The following LIPJ variants were observed in gnomAD, a reference collection of about 807,000 sequenced individuals.
The protein encoded by LIPJ is lipase member J.
In LIPJ, 33 loss-of-function variants were observed where a neutral mutation model predicts 39.8. The ratio of observed to expected loss-of-function variants is 0.83; its 90% CI spans 0.63 to 1.11. LIPJ has a LOEUF of 1.11. LIPJ is among the 50% of genes least tolerant of loss of function. The probability of loss-of-function intolerance (pLI) is 0.00; values close to 1 mark genes in which losing one functional copy is unlikely to be tolerated. For synonymous variants in LIPJ, 128 were observed against 139.2 expected, an observed-to-expected ratio of 0.92 and a Z score of 0.57; for missense variants, 422 against 427.9, an observed-to-expected ratio of 0.99 and a Z score of 0.12.
At chr10:88,597,186 G>C (rs1001823598) in intron 8 of LIPJ, among the ~76,000 whole-genome samples, 1 of 151,666 alleles carries the variant, frequency 6.6e-6, no homozygotes, top group Non-Finnish European at 1.5e-5. Flanking sequence ...GATGTGATGG[G>C]TATCTTTATT....
At chr10:88,583,282 T>TC (rs1428245047), upstream of LIPJ, 6 of 1,555,780 alleles carry the variant, frequency 3.9e-6, no homozygotes, top group African/African-American at 8.2e-5. Context: ...GCGCTAGCGC[T>TC]CTTTGGTTCC....
upstream of LIPJ, among the ~76,000 whole-genome samples, chr10:88,585,169 G>T (rs1050927725): frequency 6.6e-6 from 1 of 152,118 alleles, no homozygotes; most frequent in Non-Finnish European, 1.5e-5. Context: ...TTTTATACAC[G>T]TTAATACAGA....
intron 2 of LIPJ, 127 bp from the exon 3 acceptor site, chr10:88,590,458 C>A: frequency 4.8e-6 from 2 of 416,204 alleles, no homozygotes; most frequent in South Asian, 5.1e-5. Flanking sequence ...TTTAATTCTT[C>A]AAAGCCTCTG....
rs116477110 is a variant in LIPJ at position 88,606,934 on chromosome 10, A to T, written c.*27A>T. On this transcript the variant is annotated 3_prime_UTR_variant, in exon 11 of 11. Transcript: ENST00000371939. ...GAACCATGGCGCTGTGTGTTTAAAG[A>T]TCTACATCATTCCTAATGAAATCCA... is the stretch of plus-strand genomic sequence containing the variant. The T allele has an allele frequency of 2.8e-3, 4,044 of 1,436,714 alleles. 109 individuals are homozygous for T. In the African/African-American group the frequency reaches 0.051, roughly 18 times the overall value. 89.0% of individuals were successfully genotyped at this position (1,436,714 alleles called of 1,614,324 possible).
At chr10:88,595,543 T>C (rs1353363891) in intron 6 of LIPJ, among the ~76,000 whole-genome samples, 2 of 151,664 alleles carry the variant, frequency 1.3e-5, no homozygotes, top group Non-Finnish European at 3.0e-5. Context: ...TATATGTGAC[T>C]TTTAGTCCAA....
the LIPJ span, among the ~76,000 whole-genome samples, chr10:88,620,462 A>C: frequency 6.6e-6 from 1 of 152,222 alleles, no homozygotes; most frequent in Non-Finnish European, 1.5e-5. Context: ...CTGTGGCTCA[A>C]AATTAAAATT....
chr10:88,583,035 G>C (rs1042753712), upstream of LIPJ: 10 of 1,598,530 alleles, frequency 6.3e-6, no homozygotes, highest in African/African-American at 1.4e-4. Context: ...CTGCCCGGCA[G>C]TCCTCTTTTC....
rs762179035 is a variant in LIPJ, at chr10:88,594,691, C to T, written c.354C>T (p.Asp118=). The T allele has an allele frequency of 7.1e-6, 11 of 1,540,566 alleles. 1 individual carries two copies. Residue 118 remains aspartate (D), a synonymous_variant, in exon 6 of 11, where the codon GAC becomes GAT. Transcript: ENST00000371939. ...GTTTTGATGAGATGGCAAAATATGA[C>T]CTTCCAGCCTCTATTGATTTCACTG... is the stretch of plus-strand genomic sequence containing the variant.
At chr10:88,590,910 AATAT>A (rs1236788700) in intron 3 of LIPJ, among the ~76,000 whole-genome samples, 1 of 151,800 alleles carries the variant, frequency 6.6e-6, no homozygotes, top group Non-Finnish European at 1.5e-5. Flanking sequence ...ACATATTTGA[AATAT>A]ATATTCATAT....
upstream of LIPJ, chr10:88,585,786 C>T (rs1850892977): frequency 6.6e-6 from 1 of 152,176 alleles, no homozygotes; most frequent in African/African-American, 2.4e-5. Context: ...ACTAGTCTTC[C>T]TACTTCCCAG....
At chr10:88,585,330 A>G (rs754298386), upstream of LIPJ, among the ~76,000 whole-genome samples, 58 of 152,316 alleles carry the variant, frequency 3.8e-4, no homozygotes, top group Middle Eastern at 3.4e-3. Flanking sequence ...ATCATGGACA[A>G]TGAGACTTGA....
chr10:88,583,577 C>T (rs1456809073), upstream of LIPJ: 155 of 1,013,280 alleles, frequency 1.5e-4, no homozygotes, highest in Non-Finnish European at 1.8e-4. Context: ...CGATAACTCT[C>T]ATGCCTGTTG....
upstream of LIPJ, chr10:88,583,681 C>G: frequency 2.0e-6 from 2 of 988,116 alleles, no homozygotes; most frequent in Non-Finnish European, 1.2e-6. Flanking sequence ...GCTTGAACGG[C>G]CACTATTAGC....
chr10:88,603,297 G>C (rs959849436), intron 9 of LIPJ, among the ~76,000 whole-genome samples: 4 of 152,106 alleles, frequency 2.6e-5, no homozygotes, highest in Non-Finnish European at 4.4e-5. Flanking sequence ...AACACAGTTA[G>C]TTATCCTAAT....
intron 9 of LIPJ, among the ~76,000 whole-genome samples, chr10:88,603,378 A>G (rs889981944): frequency 1.3e-5 from 2 of 152,170 alleles, no homozygotes; most frequent in African/African-American, 4.8e-5. Flanking sequence ...GAGAACCATG[A>G]GAAGTTTTGT....
the LIPJ span, among the ~76,000 whole-genome samples, chr10:88,613,239 A>G: frequency 3.3e-5 from 5 of 152,260 alleles, no homozygotes; most frequent in East Asian, 9.6e-4. Context: ...TAAGAGACCT[A>G]TAGGTGACAA....
intron 10 of LIPJ, 145 bp downstream of exon 10, chr10:88,605,849 G>A (rs1419199980): frequency 1.7e-5 from 10 of 595,900 alleles, no homozygotes; most frequent in East Asian, 5.7e-5. Context: ...ATTTGGATAC[G>A]TATTGTCACA....
chr10:88,607,448 G>A (rs1360333888), downstream of LIPJ, among the ~76,000 whole-genome samples: 2 of 152,168 alleles, frequency 1.3e-5, no homozygotes, highest in Non-Finnish European at 2.9e-5. Flanking sequence ...CCGTAGAGGG[G>A]CTGTGCCTCA....
chr10:88,617,415 GA>G, the LIPJ span, among the ~76,000 whole-genome samples: 2 of 152,168 alleles, frequency 1.3e-5, no homozygotes, highest in African/African-American at 4.8e-5. Flanking sequence ...AAAATAAGAA[GA>G]AAGTAAATAC....
Sources: gnomAD v4.1 joint callset for allele counts (sites outside exome capture counted in the v4.1 genomes callset) on GRCh38, gnomAD v4.1.1 for gene constraint, MANE v1.5 for transcripts, NCBI Gene and HGNC (gene_info 2026-07-23, HGNC 2026-07-21) for gene names.